The following MB21D2 variants were observed in gnomAD, a reference collection of about 807,000 sequenced individuals.
MB21D2 encodes Mab-21 domain containing 2.
Under a neutral mutation model 33.3 loss-of-function variants are expected in MB21D2, and 9 were observed. The observed-to-expected ratio is 0.27, with a 90% CI of 0.16 to 0.47. The LOEUF is 0.47. MB21D2 is among the 20% of genes least tolerant of loss of function. MB21D2 has a pLI of 0.99. For missense variants in MB21D2, 540 were observed against 624.6 expected (o/e 0.86, Z 1.44); for synonymous variants, 241 against 236.3 (o/e 1.02, Z -0.18).
intron 1 of MB21D2, among the ~76,000 whole-genome samples, chr3:192,872,265 T>G (rs890594438): frequency 6.6e-6 from 1 of 152,152 alleles, no homozygotes; most frequent in Non-Finnish European, 1.5e-5. Context: ...ACTAGCTCCC[T>G]AGGGTCTAAG....
intron 1 of MB21D2, among the ~76,000 whole-genome samples, chr3:192,814,951 T>A (rs1036887049): frequency 6.6e-6 from 1 of 152,152 alleles, no homozygotes; most frequent in African/African-American, 2.4e-5. Flanking sequence ...AGATGGCTTC[T>A]TTCATCTACT....
chr3:192,897,074 A>G, intron 1 of MB21D2, among the ~76,000 whole-genome samples: 1 of 152,204 alleles, frequency 6.6e-6, no homozygotes. Context: ...GGAAATTAAT[A>G]GCAAACAAGT....
In MB21D2 at chr3:192,799,520, A is replaced by G; in HGVS notation, c.342T>C (p.Tyr114=). 6.2e-7 allele frequency: 1 copy of G among 1,614,214 alleles called. No homozygotes were observed. Among genetic ancestry groups the G allele is most frequent in the South Asian group, 1.1e-5 (1 of 91,084 alleles). ...GCACCAAGAGGGTAAAGTCCATATC[A>G]TAGTCAGTACCCCGGGCATAGACAT... ...ELNVYARGTD[Y]DMDFTLLVPA... Residue 114 remains tyrosine (Y), a synonymous_variant, in exon 2 of 2, where the codon TAT becomes TAC. Transcript: ENST00000392452. This position sits in a 1 kb window ranked among gnomAD's most constrained non-coding sequence, Gnocchi z 4.1.
intron 1 of MB21D2, among the ~76,000 whole-genome samples, chr3:192,855,379 G>C (rs1228547908): frequency 2.0e-5 from 3 of 152,190 alleles, no homozygotes; most frequent in Non-Finnish European, 4.4e-5. Flanking sequence ...TTACAGGTGT[G>C]AGCCACTGTG....
chr3:192,819,707 C>T lies in MB21D2; in HGVS notation c.212-20057G>A, dbSNP rs139921926. ...CTTACAAAAGATCTTCTATGCAGAC[C>T]ACTGCTGGAGTGGTCCCCAAGTCCC... On this transcript the variant is annotated intron_variant, in intron 1 of 1. Coordinates refer to ENST00000392452, the MANE Select transcript of MB21D2 (RefSeq NM_178496.4). Among the ~76,000 whole-genome samples the T allele has an allele frequency of 3.5e-3, 533 of 152,298 alleles. 3 individuals are homozygous for T. The highest frequency in any genetic ancestry group is 0.012 in the African/African-American group (497 of 41,564).
At chr3:192,845,346 T>A (rs1712657746) in intron 1 of MB21D2, among the ~76,000 whole-genome samples, 1 of 152,182 alleles carries the variant, frequency 6.6e-6, no homozygotes. Context: ...GCCTTTCGCA[T>A]CCCCAAAGGT....
chr3:192,890,871 A>G (rs1037349742), intron 1 of MB21D2, among the ~76,000 whole-genome samples: 3 of 152,084 alleles, frequency 2.0e-5, no homozygotes, highest in Admixed American at 6.5e-5. Context: ...ACGCAGAGAC[A>G]TGGGGAGAGG....
At chr3:192,882,255 C>T (rs1465722554) in intron 1 of MB21D2, among the ~76,000 whole-genome samples, 1 of 151,914 alleles carries the variant, frequency 6.6e-6, no homozygotes, top group Non-Finnish European at 1.5e-5. Context: ...TTGTATTTTT[C>T]GTAGAGATGG....
intron 1 of MB21D2, among the ~76,000 whole-genome samples, chr3:192,858,293 C>A (rs1300243325): frequency 6.6e-6 from 1 of 152,306 alleles, no homozygotes; most frequent in African/African-American, 2.4e-5. Flanking sequence ...CCAGCTATCT[C>A]CTGCCCCTCA....
chr3:192,861,760 A>T (rs538816235), intron 1 of MB21D2, among the ~76,000 whole-genome samples: 1 of 152,272 alleles, frequency 6.6e-6, no homozygotes, highest in East Asian at 1.9e-4. Flanking sequence ...AGCCAAGATC[A>T]CGCCATTGCA....
chr3:192,821,417 C>T (rs972946661), intron 1 of MB21D2, among the ~76,000 whole-genome samples: 2 of 152,144 alleles, frequency 1.3e-5, no homozygotes, highest in African/African-American at 4.8e-5. Context: ...CATCTCACAA[C>T]TTCGCTATTG....
rs145641219 is a variant in MB21D2 at position 192,813,200 on chromosome 3, T to A, written c.212-13550A>T. ...TCTAGGTTGAGCCAAGACTGAAAGA[T>A]GCTTTGTCTTGGCAAGCAACATGGC... On this transcript the variant is annotated intron_variant, in intron 1 of 1. Coordinates refer to ENST00000392452, the MANE Select transcript of MB21D2 (RefSeq NM_178496.4). Among the ~76,000 whole-genome samples, 25 of 152,266 alleles carry A rather than the reference T, an allele frequency of 1.6e-4. 1 individual carries two copies. The East Asian group carries it at 2.3e-3, about 14-fold the overall frequency.
chr3:192,828,117 T>TCC (rs1712217282), intron 1 of MB21D2, among the ~76,000 whole-genome samples: 1 of 152,016 alleles, frequency 6.6e-6, no homozygotes, highest in South Asian at 2.1e-4. Context: ...GAACTGTGAG[T>TCC]CCATTAAACC....
intron 1 of MB21D2, among the ~76,000 whole-genome samples, chr3:192,848,900 C>T (rs1162538522): frequency 2.6e-5 from 4 of 152,108 alleles, no homozygotes; most frequent in East Asian, 1.9e-4. Flanking sequence ...TCTGATGGAC[C>T]GAAGAGAAGA....
intron 1 of MB21D2, among the ~76,000 whole-genome samples, chr3:192,898,095 T>A (rs1281582143): frequency 1.3e-5 from 2 of 152,126 alleles, no homozygotes; most frequent in African/African-American, 4.8e-5. Flanking sequence ...TAAGTATATG[T>A]AGATGCTATT....
At chr3:192,902,941 A>G (rs1377022807) in intron 1 of MB21D2, among the ~76,000 whole-genome samples, 1 of 152,268 alleles carries the variant, frequency 6.6e-6, no homozygotes, top group East Asian at 1.9e-4. Context: ...AAAAGGTCAC[A>G]CTTTTTAGAG....
intron 1 of MB21D2, among the ~76,000 whole-genome samples, chr3:192,812,804 T>C (rs189211296): frequency 2.2e-4 from 33 of 152,312 alleles, no homozygotes; most frequent in African/African-American, 6.0e-4. Context: ...ATAACTATAG[T>C]GTGATCTAAG....
chr3:192,829,435 T>C (rs1027263088), intron 1 of MB21D2, among the ~76,000 whole-genome samples: 1 of 152,228 alleles, frequency 6.6e-6, no homozygotes, highest in African/African-American at 2.4e-5. Context: ...GTGTTTGACT[T>C]TCTTGTAAAG....
intron 1 of MB21D2, among the ~76,000 whole-genome samples, chr3:192,825,697 T>C (rs1195519373): frequency 6.6e-6 from 1 of 152,212 alleles, no homozygotes; most frequent in Non-Finnish European, 1.5e-5. Flanking sequence ...TTACTTAGTA[T>C]GTAGATGAGG....
Sources: gnomAD v4.1 joint callset for allele counts (sites outside exome capture counted in the v4.1 genomes callset) on GRCh38, gnomAD v4.1.1 for gene constraint, Gnocchi (gnomAD v3.1) non-coding constraint, MANE v1.5 for transcripts, NCBI Gene and HGNC (gene_info 2026-07-23, HGNC 2026-07-21) for gene names.